Variants in INPP4B observed in about 807,000 individuals in gnomAD.
The protein encoded by INPP4B is inositol polyphosphate 4-phosphatase type II.
Under a neutral mutation model 122.5 loss-of-function variants are expected in INPP4B, and 55 were observed. The ratio of observed to expected loss-of-function variants is 0.45; its 90% CI spans 0.36 to 0.56. The LOEUF is 0.56. Ranked by LOEUF, INPP4B falls within the 20% of genes least tolerant of loss-of-function variation. INPP4B has a pLI of 0.00. For synonymous variants in INPP4B, 403 were observed against 388.7 expected, an observed-to-expected ratio of 1.04 and a Z score of -0.43; for missense variants, 1,000 against 1,097.7, an observed-to-expected ratio of 0.91 and a Z score of 1.26.
chr4:142,305,525 C>T lies in INPP4B; in HGVS notation c.436G>A (p.Gly146Ser), dbSNP rs1470512267. 1 of 1,611,940 alleles carries T rather than the reference C, an allele frequency of 6.2e-7. No individual in the cohort carries two copies. The highest frequency in any genetic ancestry group is 2.2e-5 in the East Asian group (1 of 44,820). ...TCTCCCACTTTAAAACTGGCATAGCCCAAGAAACTTCGCTGAAAATAACAG... is the reference window on the plus strand; with the variant it reads ...TCTCCCACTTTAAAACTGGCATAGCTCAAGAAACTTCGCTGAAAATAACAG... ...PPPEVGRSFL[G>S]YASFKVGELL... The change falls in exon 9 of 26, where the codon GGC (glycine) becomes AGC (serine). Residue 146 changes from glycine to serine, a missense_variant. By Grantham distance (56) the Gly-to-Ser change is moderately conservative. Coordinates refer to ENST00000262992, the MANE Select transcript of INPP4B (RefSeq NM_001101669.3).
intron 15 of INPP4B, among the ~76,000 whole-genome samples, chr4:142,174,665 C>T (rs150485759): frequency 7.2e-4 from 110 of 151,968 alleles, no homozygotes; most frequent in African/African-American, 2.5e-3. Context: ...CACTCTGTCA[C>T]CCAGGCTGTA....
At chr4:142,703,675 G>A (rs992081141) in intron 2 of INPP4B, among the ~76,000 whole-genome samples, 3 of 152,172 alleles carry the variant, frequency 2.0e-5, no homozygotes, top group Non-Finnish European at 2.9e-5. Context: ...AAGAATGAAT[G>A]TTGCAATTAT....
intron 3 of INPP4B, among the ~76,000 whole-genome samples, chr4:142,442,343 C>T (rs1015014615): frequency 6.3e-5 from 8 of 127,016 alleles, no homozygotes; most frequent in Admixed American, 3.1e-4. Flanking sequence ...ACCCGGGAGG[C>T]GGAGGTTGCA....
Position 142,567,857 on chromosome 4 carries a change from A to G in INPP4B, c.-190-105131T>C, listed in dbSNP as rs148979680. Reference sequence around the variant, plus strand: ...TGTAAATGAATAAGAAAAAAAGAAAACCATTTCCAATTCAAGTAGTCTCAA... The same window carrying G: ...TGTAAATGAATAAGAAAAAAAGAAAGCCATTTCCAATTCAAGTAGTCTCAA... On this transcript the variant is annotated intron_variant, in intron 2 of 25. Coordinates refer to ENST00000262992, the MANE Select transcript of INPP4B (RefSeq NM_001101669.3). Among the ~76,000 whole-genome samples, 19 of 152,214 alleles carry G rather than the reference A, an allele frequency of 1.2e-4. No homozygotes were observed. The East Asian group carries it at 3.3e-3, about 26-fold the overall frequency.
chr4:142,765,718 A>G (rs1772015232), intron 1 of INPP4B, among the ~76,000 whole-genome samples: 1 of 152,192 alleles, frequency 6.6e-6, no homozygotes, highest in African/African-American at 2.4e-5. Context: ...ATAGTATGCC[A>G]ACATCTTTCT....
intron 16 of INPP4B, among the ~76,000 whole-genome samples, chr4:142,170,494 G>A (rs914574956): frequency 1.3e-5 from 2 of 151,644 alleles, no homozygotes; most frequent in Admixed American, 6.6e-5. Context: ...ACAGAATCTG[G>A]AGCCAAAAAC....
intron 2 of INPP4B, among the ~76,000 whole-genome samples, chr4:142,610,613 T>C (rs1742274538): frequency 6.6e-6 from 1 of 152,192 alleles, no homozygotes; most frequent in Non-Finnish European, 1.5e-5. Flanking sequence ...TCTATGTTTA[T>C]AGCTATACTC....
chr4:142,686,827 C>T (rs1441905689), intron 2 of INPP4B, among the ~76,000 whole-genome samples: 1 of 152,030 alleles, frequency 6.6e-6, no homozygotes, highest in East Asian at 1.9e-4. Flanking sequence ...TGATTCTGTG[C>T]CTCCTTTACC....
At chr4:142,685,826 G>A (rs1759265678) in intron 2 of INPP4B, among the ~76,000 whole-genome samples, 1 of 152,036 alleles carries the variant, frequency 6.6e-6, no homozygotes, top group East Asian at 1.9e-4. Flanking sequence ...TTTAAAATAT[G>A]TGTCAAGACA....
intron 1 of INPP4B, among the ~76,000 whole-genome samples, chr4:142,806,873 A>G (rs532973401): frequency 6.6e-6 from 1 of 152,182 alleles, no homozygotes; most frequent in African/African-American, 2.4e-5. Flanking sequence ...GAAACAAGCT[A>G]AAGAGTGAGG....
chr4:142,257,728 C>A (rs1183344797), intron 11 of INPP4B, among the ~76,000 whole-genome samples: 1 of 152,118 alleles, frequency 6.6e-6, no homozygotes, highest in African/African-American at 2.4e-5. Context: ...ATAGAACATT[C>A]TATGCTCATG....
At chr4:142,782,967 A>G (rs938697914) in intron 1 of INPP4B, among the ~76,000 whole-genome samples, 27 of 152,210 alleles carry the variant, frequency 1.8e-4, no homozygotes, top group African/African-American at 5.5e-4. Context: ...CCATATGTAG[A>G]AAGCTGAAAC....
intron 1 of INPP4B, among the ~76,000 whole-genome samples, chr4:142,752,370 G>A (rs1769863316): frequency 6.6e-6 from 1 of 152,038 alleles, no homozygotes; most frequent in Non-Finnish European, 1.5e-5. Context: ...TGCCACACGG[G>A]TCTTCAGTTT....
chr4:142,568,793 G>A (rs1732187083), intron 2 of INPP4B, among the ~76,000 whole-genome samples: 1 of 152,188 alleles, frequency 6.6e-6, no homozygotes, highest in South Asian at 2.1e-4. Flanking sequence ...AAGCAGAATT[G>A]CTTCTCTGTT....
intron 15 of INPP4B, among the ~76,000 whole-genome samples, chr4:142,190,750 G>C (rs570975827): frequency 6.6e-6 from 1 of 151,206 alleles, no homozygotes; most frequent in Non-Finnish European, 1.5e-5. Flanking sequence ...GTGTGTGCGC[G>C]TGTGTGTTGA....
chr4:142,736,374 G>A (rs1420834917), intron 1 of INPP4B, among the ~76,000 whole-genome samples: 2 of 151,966 alleles, frequency 1.3e-5, no homozygotes, highest in Non-Finnish European at 2.9e-5. Context: ...AATATGGAAT[G>A]CTTCATTCCC....
intron 1 of INPP4B, among the ~76,000 whole-genome samples, chr4:142,815,571 C>T (rs12498497): frequency 0.037 from 5,672 of 152,072 alleles, 126 homozygotes; most frequent in Middle Eastern, 0.11. Context: ...TTCTTTTAAA[C>T]GTAAGCTGTG....
chr4:142,263,641 T>TAC, intron 10 of INPP4B, among the ~76,000 whole-genome samples: 1 of 39,576 alleles, frequency 2.5e-5, no homozygotes, highest in Non-Finnish European at 4.5e-5. Flanking sequence ...ATTCGTAAAA[T>TAC]ATATATATAT....
chr4:142,797,526 T>A (rs775110114), intron 1 of INPP4B, among the ~76,000 whole-genome samples: 1 of 151,932 alleles, frequency 6.6e-6, no homozygotes, highest in Non-Finnish European at 1.5e-5. Context: ...ATTGTACTCC[T>A]ACAAAATGAA....
Sources: gnomAD v4.1 joint callset for allele counts (sites outside exome capture counted in the v4.1 genomes callset) on GRCh38, gnomAD v4.1.1 for gene constraint, MANE v1.5 for transcripts, NCBI Gene and HGNC (gene_info 2026-07-23, HGNC 2026-07-21) for gene names.